Variants in RAVER2 observed in about 807,000 individuals in gnomAD.
The protein encoded by RAVER2 is ribonucleoprotein, PTB binding 2.
In RAVER2, 46 loss-of-function variants were observed where a neutral mutation model predicts 78.1. The observed-to-expected ratio is 0.59, with a 90% confidence interval of 0.46 to 0.75. The LOEUF (loss-of-function observed/expected upper bound fraction) is 0.75. Among genes scored for constraint, RAVER2 ranks in the 30% least tolerant of loss-of-function variants. RAVER2 has a pLI of 0.00. For missense variants in RAVER2, 793 were observed against 837.5 expected (o/e 0.95, Z 0.66); for synonymous variants, 311 against 313.3 (o/e 0.99, Z 0.08).
At chr1:64,800,956 G>A (rs1570568128) in intron 5 of RAVER2, among the ~76,000 whole-genome samples, 1 of 151,442 alleles carries the variant, frequency 6.6e-6, no homozygotes, top group African/African-American at 2.4e-5. Flanking sequence ...GTTACAATGA[G>A]GATTTATTTC....
At chr1:64,750,896 C>G (rs998831768) in intron 1 of RAVER2, among the ~76,000 whole-genome samples, 6 of 152,134 alleles carry the variant, frequency 3.9e-5, no homozygotes, top group African/African-American at 1.2e-4. Context: ...GTTTTGTTAT[C>G]CTATTCTCAA....
intron 5 of RAVER2, among the ~76,000 whole-genome samples, chr1:64,795,789 A>AT (rs201293933): frequency 1.8e-3 from 269 of 151,950 alleles, no homozygotes; most frequent in African/African-American, 6.3e-3. Context: ...TATGGCTTCT[A>AT]TTTTTTTCCT....
chr1:64,824,204 C>A (rs537624576), intron 11 of RAVER2, among the ~76,000 whole-genome samples: 1 of 152,262 alleles, frequency 6.6e-6, no homozygotes, highest in South Asian at 2.1e-4. Flanking sequence ...CTTGTGTTAC[C>A]CTGATTCCAG....
intron 2 of RAVER2, among the ~76,000 whole-genome samples, chr1:64,776,377 G>A (rs1452210839): frequency 6.6e-6 from 1 of 152,202 alleles, no homozygotes; most frequent in African/African-American, 2.4e-5. Flanking sequence ...TGTGGGACAT[G>A]TGTTAAATGA....
intron 9 of RAVER2, among the ~76,000 whole-genome samples, chr1:64,809,523 A>AAT (rs1283004986): frequency 1.1e-4 from 16 of 152,002 alleles, no homozygotes; most frequent in African/African-American, 3.6e-4. Flanking sequence ...TAAATAAATA[A>AAT]AAGAGATTTG....
intron 1 of RAVER2, among the ~76,000 whole-genome samples, chr1:64,766,486 C>G (rs1652179306): frequency 6.6e-6 from 1 of 152,108 alleles, no homozygotes; most frequent in African/African-American, 2.4e-5. Context: ...TTGTAGGAAG[C>G]TTTGTAAGGT....
chr1:64,801,918 A>G (rs1205309247), intron 5 of RAVER2, among the ~76,000 whole-genome samples: 2 of 152,242 alleles, frequency 1.3e-5, no homozygotes, highest in Non-Finnish European at 2.9e-5. Flanking sequence ...GAACAGTGGC[A>G]TGGGCCACTG....
At chr1:64,775,394 T>C (rs569385705) in intron 2 of RAVER2, among the ~76,000 whole-genome samples, 141 of 152,320 alleles carry the variant, frequency 9.3e-4, no homozygotes, top group African/African-American at 2.9e-3. Context: ...CCTATTAGAT[T>C]GTGAGCTCTG....
At chr1:64,789,471 A>G (rs948333399) in exon 5 of RAVER2, 3 of 1,609,870 alleles carry the variant, frequency 1.9e-6, no homozygotes, top group African/African-American at 2.7e-5. Flanking sequence ...CCATGTTGCA[A>G]GTTCTTCTAC....
At chr1:64,812,267 C>T (rs1653632032) in intron 9 of RAVER2, among the ~76,000 whole-genome samples, 1 of 146,700 alleles carries the variant, frequency 6.8e-6, no homozygotes, top group Non-Finnish European at 1.5e-5. Context: ...GAGGCGGAAG[C>T]AGGAGAATCG....
chr1:64,801,318 C>T (rs888380964), intron 5 of RAVER2, among the ~76,000 whole-genome samples: 9 of 151,024 alleles, frequency 6.0e-5, no homozygotes, highest in African/African-American at 1.5e-4. Flanking sequence ...AGGCTGGTCT[C>T]GAACTCCTGA....
intron 5 of RAVER2, among the ~76,000 whole-genome samples, chr1:64,799,074 C>T (rs1269302567): frequency 1.2e-4 from 18 of 152,198 alleles, no homozygotes; most frequent in African/African-American, 4.3e-4. Flanking sequence ...ACCAACCTCT[C>T]CCTATCATCC....
intron 5 of RAVER2, 30 bp downstream of exon 5, chr1:64,789,544 TAAA>T (rs767007341): frequency 4.6e-5 from 64 of 1,396,764 alleles, no homozygotes; most frequent in Non-Finnish European, 5.8e-5. Context: ...ACTGATTAAT[TAAA>T]GAATGCTAGC....
At chr1:64,764,216 C>T (rs2100817922) in intron 1 of RAVER2, among the ~76,000 whole-genome samples, 2 of 151,842 alleles carry the variant, frequency 1.3e-5, no homozygotes, top group South Asian at 4.2e-4. Flanking sequence ...CCAATAGAAC[C>T]AGAAGCAAGA....
At chr1:64,803,056 C>T (rs767071785) in exon 6 of RAVER2, 12 of 1,580,644 alleles carry the variant, frequency 7.6e-6, no homozygotes, top group Non-Finnish European at 9.6e-6. Flanking sequence ...GAATAAAGCA[C>T]ATCAGGTACA....
chr1:64,809,923 A>T (rs533617328), intron 9 of RAVER2, among the ~76,000 whole-genome samples: 4 of 152,078 alleles, frequency 2.6e-5, no homozygotes, highest in African/African-American at 9.6e-5. Flanking sequence ...CATGTATCCA[A>T]ATTTCCTTCT....
chr1:64,746,260 A>T (rs1445297637), intron 1 of RAVER2, among the ~76,000 whole-genome samples: 4 of 152,322 alleles, frequency 2.6e-5, no homozygotes, highest in South Asian at 2.1e-4. Context: ...ATACCTGAAG[A>T]TAACCATTGT....
chr1:64,812,517 C>CTTTCATTCTCT (rs1653642591), intron 9 of RAVER2, among the ~76,000 whole-genome samples: 1 of 151,910 alleles, frequency 6.6e-6, no homozygotes, highest in Non-Finnish European at 1.5e-5. Context: ...ATAAGATGTC[C>CTTTCATTCTCT]TTTCATTCTC....
At chr1:64,768,556 T>G in intron 1 of RAVER2, 100 bp from the exon 2 acceptor site, 1 of 741,120 alleles carries the variant, frequency 1.3e-6, no homozygotes. Flanking sequence ...ACATGGGACA[T>G]GGTGGTGGTA....
Sources: allele counts gnomAD v4.1 joint callset (sites outside exome capture counted in the v4.1 genomes callset), GRCh38; gene constraint gnomAD v4.1.1; transcripts MANE v1.5; gene names NCBI Gene and HGNC (gene_info 2026-07-23, HGNC 2026-07-21).